Variants in CEP112 observed in about 807,000 individuals in gnomAD.
The protein encoded by CEP112 is centrosomal protein 112, also known as centrosomal protein of 112 kDa.
Under a neutral mutation model 153.0 loss-of-function variants are expected in CEP112, and 127 were observed. The observed-to-expected ratio is 0.83, with a 90% CI of 0.72 to 0.96. The LOEUF is 0.96. CEP112 is among the 40% of genes least tolerant of loss of function. CEP112 has a pLI of 0.00. For synonymous variants in CEP112, 358 were observed against 374.4 expected, an observed-to-expected ratio of 0.96 and a Z score of 0.51; for missense variants, 1,089 against 1,101.2, an observed-to-expected ratio of 0.99 and a Z score of 0.16.
chr17:66,057,765 ACAC>A (rs1336937361), intron 11 of CEP112, among the ~76,000 whole-genome samples: 6 of 111,428 alleles, frequency 5.4e-5, no homozygotes, highest in African/African-American at 2.2e-4. Flanking sequence ...CTCTACACAC[ACAC>A]ACACACACAC....
chr17:66,134,494 T>C (rs972237658), intron 4 of CEP112, among the ~76,000 whole-genome samples: 1 of 152,212 alleles, frequency 6.6e-6, no homozygotes. Context: ...TTGATCTCAC[T>C]AAAACATTAG....
intron 4 of CEP112, among the ~76,000 whole-genome samples, chr17:66,154,644 C>T (rs911090548): frequency 6.6e-6 from 1 of 152,124 alleles, no homozygotes; most frequent in Non-Finnish European, 1.5e-5. Context: ...GTACCACATA[C>T]CTAAATGAGA....
chr17:65,849,075 T>C (rs572367434), intron 21 of CEP112, among the ~76,000 whole-genome samples: 2 of 152,202 alleles, frequency 1.3e-5, no homozygotes, highest in African/African-American at 4.8e-5. Flanking sequence ...GCAAAAATGC[T>C]TATCACAGCT....
chr17:65,794,701 G>A (rs914067898), intron 21 of CEP112, among the ~76,000 whole-genome samples: 1 of 152,184 alleles, frequency 6.6e-6, no homozygotes, highest in East Asian at 1.9e-4. Flanking sequence ...GTAGGTTGAT[G>A]GACGGCATGA....
At chr17:65,675,354 C>T (rs972583474) in intron 24 of CEP112, among the ~76,000 whole-genome samples, 7 of 152,286 alleles carry the variant, frequency 4.6e-5, no homozygotes, top group African/African-American at 1.4e-4. Flanking sequence ...TACAGGTGTT[C>T]ACCACCATGT....
chr17:66,155,697 T>C (rs11868432), intron 4 of CEP112, among the ~76,000 whole-genome samples: 42,898 of 152,012 alleles, frequency 0.28, 6,297 homozygotes, highest in Non-Finnish European at 0.32. Context: ...CTGGGATGCT[T>C]GAGCTTGGTT....
chr17:66,126,280 C>T (rs2069845931), intron 6 of CEP112, among the ~76,000 whole-genome samples: 1 of 152,068 alleles, frequency 6.6e-6, no homozygotes, highest in African/African-American at 2.4e-5. Flanking sequence ...TCCAATATTC[C>T]TGACATAGAT....
intron 4 of CEP112, among the ~76,000 whole-genome samples, chr17:66,164,886 ATGTGTGTGTGTGTGTG>A (rs57252258): frequency 5.8e-5 from 8 of 137,506 alleles, no homozygotes; most frequent in Non-Finnish European, 1.2e-4. Flanking sequence ...ACACACATAT[ATGTGTGTGTGTGTGTG>A]TGTGTGTGTG....
chr17:65,994,583 A>G (rs753437854), intron 17 of CEP112, among the ~76,000 whole-genome samples: 1 of 152,106 alleles, frequency 6.6e-6, no homozygotes, highest in Non-Finnish European at 1.5e-5. Flanking sequence ...CCTGCCTTGG[A>G]CTTCCAAAGT....
intron 21 of CEP112, among the ~76,000 whole-genome samples, chr17:65,769,489 G>A (rs2053208596): frequency 6.6e-6 from 1 of 151,992 alleles, no homozygotes; most frequent in Admixed American, 6.6e-5. Context: ...AAAGTTGGAG[G>A]CATCACAAAT....
At chr17:65,936,898 C>T (rs1476806086) in intron 18 of CEP112, among the ~76,000 whole-genome samples, 3 of 150,664 alleles carry the variant, frequency 2.0e-5, no homozygotes, top group Non-Finnish European at 4.4e-5. Flanking sequence ...ACCGTCTCGG[C>T]TCACTGCAAC....
At chr17:66,125,072 A>G (rs942485990) in intron 6 of CEP112, among the ~76,000 whole-genome samples, 1 of 152,214 alleles carries the variant, frequency 6.6e-6, no homozygotes, top group Non-Finnish European at 1.5e-5. Flanking sequence ...AACACTTAAA[A>G]TGTTAAGAAA....
At chr17:66,118,559 G>C (rs1338598220) in intron 6 of CEP112, among the ~76,000 whole-genome samples, 1 of 152,152 alleles carries the variant, frequency 6.6e-6, no homozygotes, top group African/African-American at 2.4e-5. Context: ...ACCAGAGGCT[G>C]GGAGGGGTAG....
At chr17:65,730,404 C>T (rs922309601) in intron 23 of CEP112, among the ~76,000 whole-genome samples, 5 of 152,158 alleles carry the variant, frequency 3.3e-5, no homozygotes, top group South Asian at 2.1e-4. Flanking sequence ...ATGGCACTTA[C>T]GCTTTATGCT....
intron 4 of CEP112, among the ~76,000 whole-genome samples, chr17:66,148,786 T>C (rs1246532729): frequency 1.3e-5 from 2 of 152,166 alleles, no homozygotes; most frequent in African/African-American, 4.8e-5. Context: ...TATAAGATCA[T>C]GTCTGTGAAC....
At chr17:65,858,929 C>G (rs1041054976) in intron 20 of CEP112, among the ~76,000 whole-genome samples, 4 of 152,178 alleles carry the variant, frequency 2.6e-5, no homozygotes, top group Non-Finnish European at 5.9e-5. Context: ...TCATCAATAA[C>G]CACCTCATCC....
chr17:65,743,897 G>C (rs565168641), intron 22 of CEP112, among the ~76,000 whole-genome samples: 2 of 151,994 alleles, frequency 1.3e-5, no homozygotes, highest in African/African-American at 4.8e-5. Context: ...GAGTAGCTGG[G>C]ATTACAGGTG....
chr17:66,142,308 T>C (rs1485216209), intron 4 of CEP112, among the ~76,000 whole-genome samples: 1 of 152,196 alleles, frequency 6.6e-6, no homozygotes, highest in Non-Finnish European at 1.5e-5. Context: ...CTGTAGCTTG[T>C]CTCTTCACTC....
intron 10 of CEP112, among the ~76,000 whole-genome samples, chr17:66,065,925 G>A (rs757368972): frequency 9.2e-5 from 14 of 152,024 alleles, no homozygotes; most frequent in Non-Finnish European, 1.9e-4. Flanking sequence ...CACCGCGCCC[G>A]GCCTAAAATC....
Sources: gnomAD v4.1 joint callset for allele counts (sites outside exome capture counted in the v4.1 genomes callset) on GRCh38, gnomAD v4.1.1 for gene constraint, MANE v1.5 for transcripts, NCBI Gene and HGNC (gene_info 2026-07-23, HGNC 2026-07-21) for gene names.